The following SEMA3E variants were observed in gnomAD, a reference collection of about 807,000 sequenced individuals.
The protein encoded by SEMA3E is semaphorin 3E.
SEMA3E carries 49 observed loss-of-function variants against 93.6 expected under a neutral mutation model. The observed-to-expected ratio is 0.52, with a 90% confidence interval of 0.42 to 0.66. The LOEUF (loss-of-function observed/expected upper bound fraction) is 0.66. Ranked by LOEUF, SEMA3E falls within the 30% of genes least tolerant of loss-of-function variation. The probability of loss-of-function intolerance (pLI) is 0.00; values close to 1 mark genes in which losing one functional copy is unlikely to be tolerated. For synonymous variants in SEMA3E, 363 were observed against 330.7 expected (o/e 1.10, Z -1.06); for missense variants, 906 against 964.8 (o/e 0.94, Z 0.81).
At chr7:83,630,544 G>A (rs1382018460) in intron 1 of SEMA3E, among the ~76,000 whole-genome samples, 1 of 152,160 alleles carries the variant, frequency 6.6e-6, no homozygotes, top group Non-Finnish European at 1.5e-5. Flanking sequence ...TTATGGTAGA[G>A]CAGTGAGTCT....
At chr7:83,404,029 C>A (rs1298309264) in intron 9 of SEMA3E, among the ~76,000 whole-genome samples, 1 of 151,856 alleles carries the variant, frequency 6.6e-6, no homozygotes, top group African/African-American at 2.4e-5. Flanking sequence ...ATCATATTAA[C>A]CCATAGAAAA....
At chr7:83,418,843 ATAG>A (rs1248689819) in intron 4 of SEMA3E, among the ~76,000 whole-genome samples, 4 of 152,118 alleles carry the variant, frequency 2.6e-5, no homozygotes, top group Non-Finnish European at 5.9e-5. Context: ...GTTAAAAATG[ATAG>A]TGGGCTTTTA....
At chr7:83,441,226 G>A (rs1334019834) in intron 4 of SEMA3E, among the ~76,000 whole-genome samples, 2 of 152,180 alleles carry the variant, frequency 1.3e-5, no homozygotes. Context: ...GAAAAGTTAG[G>A]TTACAAAAAT....
chr7:83,459,900 T>C (rs58264606), intron 4 of SEMA3E, among the ~76,000 whole-genome samples: 4,995 of 152,218 alleles, frequency 0.033, 287 homozygotes, highest in African/African-American at 0.11. Context: ...AAAGCACCCC[T>C]ACTGAGCACC....
chr7:83,566,494 T>C (rs1479978317), intron 1 of SEMA3E, among the ~76,000 whole-genome samples: 2 of 152,170 alleles, frequency 1.3e-5, no homozygotes, highest in African/African-American at 4.8e-5. Flanking sequence ...TATACAATTT[T>C]TAATATGACC....
chr7:83,378,402 T>C (rs1787702372), intron 16 of SEMA3E, among the ~76,000 whole-genome samples: 1 of 151,952 alleles, frequency 6.6e-6, no homozygotes, highest in Admixed American at 6.6e-5. Context: ...CTACTTCCTT[T>C]CAACCTATAA....
At chr7:83,454,053 T>C (rs1249790768) in intron 4 of SEMA3E, among the ~76,000 whole-genome samples, 1 of 151,344 alleles carries the variant, frequency 6.6e-6, no homozygotes, top group Non-Finnish European at 1.5e-5. Flanking sequence ...GGTCAGGAGA[T>C]GGAGACCATC....
rs1440111403 is a variant in SEMA3E, at chr7:83,364,211, A to G, written c.*3375T>C. 9.9e-5 allele frequency: 15 copies of G among 152,110 alleles called. No homozygotes were observed. The highest frequency in any genetic ancestry group is 9.8e-4 in the Admixed American group (15 of 15,266). 9.4% of individuals were successfully genotyped at this position (152,110 alleles called of 1,614,324 possible). A position where few individuals can be genotyped will look rare whatever the true frequency, so the allele number is the denominator to read the frequency against. On this transcript the variant is annotated 3_prime_UTR_variant, in exon 17 of 17. Coordinates refer to ENST00000643230, the MANE Select transcript of SEMA3E (RefSeq NM_012431.3). ...GCCCGGCCAGGTCAATTCATTTTTA[A>G]GGACAACAGCTGCTGTTTGTTTCAT...
intron 1 of SEMA3E, among the ~76,000 whole-genome samples, chr7:83,590,856 T>C (rs1244649429): frequency 6.6e-6 from 1 of 152,136 alleles, no homozygotes; most frequent in Non-Finnish European, 1.5e-5. Flanking sequence ...TGTGAGATTA[T>C]AATAACCTTC....
rs939679219 is a variant in SEMA3E, at chr7:83,638,978, G to A, written c.115+9450C>T. 4.0e-5 allele frequency among the ~76,000 whole-genome samples: 6 copies of A among 150,214 alleles called. No individual in the cohort carries two copies. The South Asian group carries it at 6.3e-4, about 16-fold the overall frequency. ...TACAAAAAATTAGCCGGGCGTAGTGGCGGGCGCCTGTAGTCCCAGCTACTT... is the reference window on the plus strand; with the variant it reads ...TACAAAAAATTAGCCGGGCGTAGTGACGGGCGCCTGTAGTCCCAGCTACTT... On this transcript the variant is annotated intron_variant, in intron 1 of 16. Coordinates refer to ENST00000643230, the MANE Select transcript of SEMA3E (RefSeq NM_012431.3).
intron 16 of SEMA3E, among the ~76,000 whole-genome samples, chr7:83,374,214 A>T (rs1794789298): frequency 6.6e-6 from 1 of 150,988 alleles, no homozygotes; most frequent in African/African-American, 2.4e-5. Context: ...CTCAAAAAAA[A>T]AAAAAAAAAA....
At chr7:83,494,310 G>A (rs142834138) in intron 1 of SEMA3E, among the ~76,000 whole-genome samples, 1 of 151,648 alleles carries the variant, frequency 6.6e-6, no homozygotes, top group African/African-American at 2.4e-5. Flanking sequence ...TGTATCAATT[G>A]CTTAGGAGCA....
At chr7:83,374,267 C>A (rs1308714472) in intron 16 of SEMA3E, among the ~76,000 whole-genome samples, 2 of 149,966 alleles carry the variant, frequency 1.3e-5, no homozygotes, top group African/African-American at 4.9e-5. Context: ...CAAGACGTTA[C>A]CCTATAGCCA....
intron 1 of SEMA3E, among the ~76,000 whole-genome samples, chr7:83,613,940 A>G (rs1033653864): frequency 6.6e-5 from 10 of 152,098 alleles, no homozygotes; most frequent in Middle Eastern, 3.2e-3. Flanking sequence ...ACACAAAACA[A>G]TATTCATACA....
Position 83,545,731 on chromosome 7 carries a change from G to A in SEMA3E, c.116-55457C>T, listed in dbSNP as rs181792084. Among the ~76,000 whole-genome samples the A allele has an allele frequency of 4.7e-5, 7 of 149,468 alleles. No individual in the cohort carries two copies. The Admixed American group carries it at 4.7e-4, about 10-fold the overall frequency. ...TAGCACCATTTTCCAGTAGTATACT[G>A]TATGGATGTATATGTATGTGTGTGT... is the stretch of plus-strand genomic sequence containing the variant. On this transcript the variant is annotated intron_variant, in intron 1 of 16. Transcript: ENST00000643230.
At chr7:83,490,311 G>GA in intron 1 of SEMA3E, 37 bp from the exon 2 acceptor site, 1 of 1,601,222 alleles carries the variant, frequency 6.2e-7, no homozygotes, top group Non-Finnish European at 8.5e-7. Flanking sequence ...AAGCACACGA[G>GA]AAAATGTAAA....
At chr7:83,506,653 G>A (rs73376765) in intron 1 of SEMA3E, among the ~76,000 whole-genome samples, 2 of 152,062 alleles carry the variant, frequency 1.3e-5, no homozygotes, top group African/African-American at 4.8e-5. Flanking sequence ...CTTAGGTCAT[G>A]CTAAAATTAG....
At chr7:83,461,428 C>T (rs1248707940) in intron 4 of SEMA3E, among the ~76,000 whole-genome samples, 1 of 152,196 alleles carries the variant, frequency 6.6e-6, no homozygotes, top group Non-Finnish European at 1.5e-5. Context: ...ACCTCCCCTC[C>T]TCACACCTGG....
At chr7:83,465,679 T>C (rs1432380478) in intron 4 of SEMA3E, among the ~76,000 whole-genome samples, 1 of 152,198 alleles carries the variant, frequency 6.6e-6, no homozygotes, top group Non-Finnish European at 1.5e-5. Context: ...ATTTTATCTG[T>C]GCCTTGTCTT....
Sources: gnomAD v4.1 joint callset for allele counts (sites outside exome capture counted in the v4.1 genomes callset) on GRCh38, gnomAD v4.1.1 for gene constraint, MANE v1.5 for transcripts, NCBI Gene and HGNC (gene_info 2026-07-23, HGNC 2026-07-21) for gene names.